HDAC10: variants seen among roughly 807,000 people sequenced by gnomAD.
HDAC10 encodes the protein histone deacetylase 10.
A neutral mutation model predicts 82.3 loss-of-function variants in HDAC10; 90 were observed. That is an observed-to-expected ratio of 1.09 (90% CI 0.92 to 1.30). The LOEUF is 1.30. HDAC10 is among the 50% of genes most tolerant of loss of function. The pLI is 0.00. For missense variants in HDAC10, 934 were observed against 876.3 expected (o/e 1.07, Z -0.83); for synonymous variants, 456 against 391.7 (o/e 1.16, Z -1.94).
rs558680652 is a variant in HDAC10 at position 50,247,519 on chromosome 22, G to A, written c.1422+173C>T. 5.7e-4 allele frequency: 309 copies of A among 542,830 alleles called. 4 individuals carry two copies. The South Asian group carries it at 7.1e-3, about 13-fold the overall frequency. 33.6% of individuals were successfully genotyped at this position (542,830 alleles called of 1,614,324 possible). The stretch of plus-strand genomic sequence containing the variant: ...CTGAGGTCAGAGGTCAGACACACTA[G>A]TGATCCCCACCCCTGGGGCTGTTCT... On this transcript the variant is annotated intron_variant, in intron 14 of 19. Transcript: ENST00000216271.
chr22:50,249,508 T>C lies in HDAC10; in HGVS notation c.564-54A>G. Reference sequence around the variant, plus strand: ...CAAAGGTCAGGACCCTCAACAGCTCTACAGCTCCCTGTAGAACGCTGACCC... The same window carrying C: ...CAAAGGTCAGGACCCTCAACAGCTCCACAGCTCCCTGTAGAACGCTGACCC... On this transcript the variant is annotated intron_variant, in intron 6 of 19. Coordinates refer to ENST00000216271, the MANE Select transcript of HDAC10 (RefSeq NM_032019.6). The surrounding 1 kb of genome is among the most constrained non-coding windows in gnomAD (Gnocchi z 4.4). 6.2e-7 allele frequency: 1 copy of C among 1,608,862 alleles called. No individual in the cohort carries two copies. The highest frequency in any genetic ancestry group is 8.5e-7 in the Non-Finnish European group (1 of 1,177,198).
Position 50,249,239 on chromosome 22 carries a change from G to T in HDAC10, c.691-71C>A. 7.7e-7 allele frequency: 1 copy of T among 1,300,938 alleles called. No individual in the cohort carries two copies. The highest frequency in any genetic ancestry group is 1.1e-6 in the Non-Finnish European group (1 of 940,876). 80.6% of individuals were successfully genotyped at this position (1,300,938 alleles called of 1,614,324 possible). A position where few individuals can be genotyped will look rare whatever the true frequency, so the allele number is the denominator to read the frequency against. On this transcript the variant is annotated intron_variant, in intron 7 of 19. Coordinates refer to ENST00000216271, the MANE Select transcript of HDAC10 (RefSeq NM_032019.6). This position sits in a 1 kb window ranked among gnomAD's most constrained non-coding sequence, Gnocchi z 4.4. Reference sequence around the variant, plus strand: ...GGGGCCCGGGGGAGGGGGTGGGTGGGGACCTGGGGCTTGAGGGTGAACTGT... The same window carrying T: ...GGGGCCCGGGGGAGGGGGTGGGTGGTGACCTGGGGCTTGAGGGTGAACTGT...
rs779373717 is a variant in HDAC10, at chr22:50,245,771, A to C, written c.1890T>G (p.Pro630=). ...CCACAGAGGAAGGGCCTAGGCTAGG[A>C]GGTGCCTCTCCATTCAGCACCCGGG... ...ILARVLNGEA[P]PSLGPSSVAS... is the part of the protein sequence containing the mutation. Residue 630 remains proline (P), a synonymous_variant, in exon 19 of 20, where the codon CCT becomes CCG. Transcript: ENST00000216271. The C allele has an allele frequency of 6.2e-6, 10 of 1,606,298 alleles. No homozygotes were observed. Among genetic ancestry groups the C allele is most frequent in the Non-Finnish European group, 8.5e-6 (10 of 1,176,878 alleles).
rs780232551 is a variant in HDAC10, at chr22:50,246,953, A to G, written c.1436T>C (p.Ile479Thr). The change falls in exon 15 of 20, where the codon ATA becomes ACA. Residue 479 changes from isoleucine to threonine, a missense_variant. Ile to Thr is a moderately conservative substitution (Grantham distance 89, BLOSUM62 -1). Transcript: ENST00000216271. ...TGCAGCAGAGGCTGGAGTGGCTGCTATACCACTGTTCACCTGTGGGATGAA... is the reference window on the plus strand; with the variant it reads ...TGCAGCAGAGGCTGGAGTGGCTGCTGTACCACTGTTCACCTGTGGGATGAA... ...GMLDGQVNSG[I>T]AATPASAAAA... The G allele has an allele frequency of 6.2e-7, 1 of 1,607,918 alleles. No individual in the cohort carries two copies. Among genetic ancestry groups the G allele is most frequent in the South Asian group, 1.1e-5 (1 of 90,598 alleles).
intron 16 of HDAC10, 36 bp downstream of exon 16, chr22:50,246,643 G>A (rs1261665881): frequency 6.3e-7 from 1 of 1,584,362 alleles, no homozygotes; most frequent in Non-Finnish European, 8.6e-7. Flanking sequence ...CCGTCCACAT[G>A]CATGGCTGGA....
At chr22:50,250,621 G>A in intron 2 of HDAC10, 98 bp from the exon 3 acceptor site, 6 of 1,321,602 alleles carry the variant, frequency 4.5e-6, no homozygotes, top group Non-Finnish European at 5.3e-6. Flanking sequence ...TGGCCACCCT[G>A]TCACTTCCTC....
intron 16 of HDAC10, 113 bp downstream of exon 16, chr22:50,246,566 C>T: frequency 8.5e-7 from 1 of 1,176,706 alleles, no homozygotes; most frequent in Non-Finnish European, 1.2e-6. Context: ...AGGAAGGCTC[C>T]ATTCAGTACC....
intron 3 of HDAC10, 54 bp from the exon 4 acceptor site, chr22:50,250,214 G>A: frequency 6.6e-7 from 1 of 1,509,700 alleles, no homozygotes; most frequent in South Asian, 1.1e-5. Context: ...GCCCTTTGCA[G>A]GCCATACCCA....
chr22:50,246,985 G>C lies in HDAC10; in HGVS notation c.1423-19C>G. 2 of 1,545,310 alleles carry C rather than the reference G, an allele frequency of 1.3e-6. No homozygotes were observed. The highest frequency in any genetic ancestry group is 1.8e-6 in the Non-Finnish European group (2 of 1,132,300). ...TGTTCACCTGTGGGATGAATAAACA[G>C]TGGAGAATGAGGCACCAACCAACTC... On this transcript the variant is annotated intron_variant, in intron 14 of 19. Transcript: ENST00000216271.
Position 50,246,386 on chromosome 22 carries a change from C to T in HDAC10, c.1572-10G>A, listed in dbSNP as rs377053063. The T allele has an allele frequency of 3.1e-6, 5 of 1,609,002 alleles. No homozygotes were observed. In the African/African-American group the frequency reaches 6.7e-5, roughly 21 times the overall value. On this transcript the variant is annotated splice_polypyrimidine_tract_variant and intron_variant, in intron 16 of 19. Coordinates refer to ENST00000216271, the MANE Select transcript of HDAC10 (RefSeq NM_032019.6). Reference sequence around the variant, plus strand: ...CAGCCACAGACTCCTCCTTCCAGGACACAGGTGCATAAGTGTAAGGCCCTG... The same window carrying T: ...CAGCCACAGACTCCTCCTTCCAGGATACAGGTGCATAAGTGTAAGGCCCTG...
chr22:50,249,403 G>A lies in HDAC10; in HGVS notation c.615C>T (p.Phe205=), dbSNP rs534110914. 398 of 1,612,706 alleles carry A rather than the reference G, an allele frequency of 2.5e-4. 8 individuals are homozygous for A. In the South Asian group the frequency reaches 3.6e-3, roughly 14 times the overall value. ...HRYEHGRFWP[F]LRESDADAVG... ...CTGCGTCTGCATCTGACTCTCGCAGGAAAGGCCAGAAGCGCCCATGCTCAT... is the reference window on the plus strand; with the variant it reads ...CTGCGTCTGCATCTGACTCTCGCAGAAAAGGCCAGAAGCGCCCATGCTCAT... The change falls in exon 7 of 20, where the codon TTC becomes TTT. Residue 205 remains phenylalanine (F), a synonymous_variant. Coordinates refer to ENST00000216271, the MANE Select transcript of HDAC10 (RefSeq NM_032019.6). The surrounding 1 kb of genome is among the most constrained non-coding windows in gnomAD (Gnocchi z 4.4).
intron 19 of HDAC10, 53 bp from the exon 20 acceptor site, chr22:50,245,583 G>A (rs997716480): frequency 3.9e-6 from 6 of 1,533,856 alleles, no homozygotes; most frequent in Admixed American, 1.7e-5. Flanking sequence ...GCTGGAGCTG[G>A]TTCAGGGCAC....
At chr22:50,247,137 ATTTTT>A in intron 14 of HDAC10, 171 bp from the exon 15 acceptor site, 1 of 379,706 alleles carries the variant, frequency 2.6e-6, no homozygotes, top group Non-Finnish European at 4.7e-6. Context: ...TACGTCTATA[ATTTTT>A]TTTTTTTTTT....
Position 50,248,686 on chromosome 22 carries a change from G to A in HDAC10, c.882C>T (p.Gly294=), listed in dbSNP as rs148677619. The A allele has an allele frequency of 9.9e-5, 152 of 1,530,498 alleles. No individual in the cohort carries two copies. In the East Asian group the frequency reaches 1.8e-3, roughly 18 times the overall value. 94.8% of individuals were successfully genotyped at this position (1,530,498 alleles called of 1,614,324 possible). The change falls in exon 10 of 20, where the codon GGC becomes GGT. Residue 294 remains glycine (G), a synonymous_variant. Transcript: ENST00000216271. The surrounding 1 kb of genome is among the most constrained non-coding windows in gnomAD (Gnocchi z 5.4). ...HLTQLLQVLA[G]GRVCAVLEGG... ...CCTCCAGCACGGCACAGACCCGGCC[G>A]CCGGCCAGCACCTGCAGCAGCTGTG...
chr22:50,250,273 C>G, intron 3 of HDAC10, 113 bp from the exon 4 acceptor site: 4 of 1,243,156 alleles, frequency 3.2e-6, no homozygotes, highest in African/African-American at 1.5e-5. Context: ...AACAGGCCAG[C>G]CCCAGGCTCT....
chr22:50,249,810 C>G lies in HDAC10; in HGVS notation c.494+50G>C, dbSNP rs774093695. ...GGGTTCTCTCGCCTCCTGCGCTGCC[C>G]CTTGCTGTGTGGCCTGGGCCCACCC... On this transcript the variant is annotated intron_variant, in intron 5 of 19. Transcript: ENST00000216271. This position sits in a 1 kb window ranked among gnomAD's most constrained non-coding sequence, Gnocchi z 4.4. 1.9e-6 allele frequency: 3 copies of G among 1,603,488 alleles called. No individual in the cohort carries two copies. In the South Asian group the frequency reaches 3.3e-5, roughly 18 times the overall value.
chr22:50,245,237 G>A lies in HDAC10; in HGVS notation c.*270C>T, dbSNP rs1024402893. The A allele has an allele frequency of 1.7e-6, 1 of 575,232 alleles. No individual in the cohort carries two copies. Among genetic ancestry groups the A allele is most frequent in the African/African-American group, 2.0e-5 (1 of 51,174 alleles). The allele number at this position is 575,232 out of a possible 1,614,324, so 35.6% of individuals were successfully genotyped here. A position where few individuals can be genotyped will look rare whatever the true frequency, so the allele number is the denominator to read the frequency against. On this transcript the variant is annotated 3_prime_UTR_variant, in exon 20 of 20. Transcript: ENST00000216271. Reference sequence around the variant, plus strand: ...CAAGGGCGGGGAGCGAAGCGCAGCGGGGCGCAGGGGCCGGAACGGGACCGA... The same window carrying A: ...CAAGGGCGGGGAGCGAAGCGCAGCGAGGCGCAGGGGCCGGAACGGGACCGA...
Position 50,245,487 on chromosome 22 carries a change from T to C in HDAC10, c.*20A>G. On this transcript the variant is annotated 3_prime_UTR_variant, in exon 20 of 20. Transcript: ENST00000216271. ...TGCGGTGTCATTTCTGCGGTGTAAA[T>C]GCTCCCACCTTGGCCGATTTCAAGC... 2 of 807,942 alleles carry C rather than the reference T, an allele frequency of 2.5e-6. No homozygotes were observed. Among genetic ancestry groups the C allele is most frequent in the Admixed American group, 1.8e-5 (1 of 56,882 alleles). 50.0% of individuals were successfully genotyped at this position (807,942 alleles called of 1,614,324 possible).
At chr22:50,246,508 G>A (rs1001951598) in intron 16 of HDAC10, 132 bp from the exon 17 acceptor site, 2 of 1,019,056 alleles carry the variant, frequency 2.0e-6, no homozygotes, top group Non-Finnish European at 3.0e-6. Context: ...CTGTGCTGGA[G>A]ACCCACCTGG....
Sources: allele counts gnomAD v4.1 joint callset, GRCh38; gene constraint gnomAD v4.1.1; non-coding constraint Gnocchi (gnomAD v3.1); transcripts MANE v1.5; gene names NCBI Gene and HGNC (gene_info 2026-07-23, HGNC 2026-07-21).